Variants in MAGI2 observed in about 807,000 individuals in gnomAD.
MAGI2 encodes the protein membrane-associated guanylate kinase, WW and PDZ domain-containing protein 2.
Under a neutral mutation model 133.3 loss-of-function variants are expected in MAGI2, and 35 were observed. The ratio of observed to expected loss-of-function variants is 0.26; its 90% confidence interval spans 0.20 to 0.35. The LOEUF is 0.35. Ranked by LOEUF, MAGI2 falls within the 10% of genes least tolerant of loss-of-function variation. MAGI2 has a pLI of 1.00. For synonymous variants in MAGI2, 729 were observed against 710.6 expected, an observed-to-expected ratio of 1.03 and a Z score of -0.41; for missense variants, 1,636 against 1,863.4, an observed-to-expected ratio of 0.88 and a Z score of 2.25.
At chr7:79,133,768 A>C (rs1254113673) in intron 1 of MAGI2, among the ~76,000 whole-genome samples, 3 of 152,204 alleles carry the variant, frequency 2.0e-5, no homozygotes, top group African/African-American at 7.2e-5. Context: ...TAAAACCCAA[A>C]ATGGTGCATC....
intron 2 of MAGI2, among the ~76,000 whole-genome samples, chr7:78,672,892 C>G (rs73145155): frequency 0.063 from 9,520 of 152,184 alleles, 422 homozygotes; most frequent in East Asian, 0.11. Context: ...CCTAAGAAAA[C>G]CAGAACCTCT....
intron 14 of MAGI2, among the ~76,000 whole-genome samples, chr7:78,174,143 C>T (rs1214509840): frequency 6.6e-6 from 1 of 152,114 alleles, no homozygotes; most frequent in Non-Finnish European, 1.5e-5. Context: ...ACAGTTTTGA[C>T]TTGGTGGAAA....
chr7:78,457,336 T>TC (rs775102097), intron 6 of MAGI2, among the ~76,000 whole-genome samples: 8 of 152,210 alleles, frequency 5.3e-5, no homozygotes, highest in Non-Finnish European at 8.8e-5. Context: ...CTTTGGGAAT[T>TC]CTTTTGGAGG....
chr7:78,776,700 C>T (rs1826012658), intron 2 of MAGI2, among the ~76,000 whole-genome samples: 1 of 152,072 alleles, frequency 6.6e-6, no homozygotes, highest in Non-Finnish European at 1.5e-5. Context: ...GGGTATTGTG[C>T]TCATGTAAAA....
At chr7:79,385,431 C>T (rs1457701311) in intron 1 of MAGI2, among the ~76,000 whole-genome samples, 1 of 151,764 alleles carries the variant, frequency 6.6e-6, no homozygotes, top group African/African-American at 2.4e-5. Context: ...TATTTTTTCT[C>T]CACACTTTTA....
chr7:78,503,773 G>A (rs1794853704), intron 4 of MAGI2, among the ~76,000 whole-genome samples: 1 of 148,442 alleles, frequency 6.7e-6, no homozygotes, highest in Non-Finnish European at 1.5e-5. Context: ...TGCATCATAT[G>A]AATAAGTGAA....
rs1810551032 is a variant in MAGI2 at position 78,643,809 on chromosome 7, CG to C, written c.419-16571del. On this transcript the variant is annotated intron_variant, in intron 2 of 21. Coordinates refer to ENST00000354212, the MANE Select transcript of MAGI2 (RefSeq NM_012301.4). The stretch of plus-strand genomic sequence containing the variant: ...ATATATGAAGTGATGTATCATTTGA[CG>C]GCTGACTGGGATAAGTTAAAGATGT... Among the ~76,000 whole-genome samples, 4 of 151,864 alleles carry C rather than the reference CG, an allele frequency of 2.6e-5. No individual in the cohort carries two copies. In the South Asian group the frequency reaches 8.3e-4, roughly 32 times the overall value.
chr7:78,566,014 ATAAC>A (rs1800905651), intron 3 of MAGI2, among the ~76,000 whole-genome samples: 1 of 152,196 alleles, frequency 6.6e-6, no homozygotes, highest in African/African-American at 2.4e-5. Flanking sequence ...GTGTGTAAAG[ATAAC>A]TATTCCAGGA....
chr7:78,956,137 G>A lies in MAGI2; in HGVS notation c.418+50953C>T, dbSNP rs181418685. Among the ~76,000 whole-genome samples, 99 of 152,212 alleles carry A rather than the reference G, an allele frequency of 6.5e-4. 1 individual carries two copies. Among genetic ancestry groups the A allele is most frequent in the Non-Finnish European group, 1.2e-3 (85 of 68,002 alleles). On this transcript the variant is annotated intron_variant, in intron 2 of 21. Coordinates refer to ENST00000354212, the MANE Select transcript of MAGI2 (RefSeq NM_012301.4). The stretch of plus-strand genomic sequence containing the variant: ...GCCAGTGCAAGAGGGGCACCAACCT[G>A]CCCTGGAGGTTGAGGAAGAGGTCCT...
At chr7:78,298,370 C>T (rs769533362) in intron 9 of MAGI2, among the ~76,000 whole-genome samples, 18 of 151,958 alleles carry the variant, frequency 1.2e-4, no homozygotes, top group Non-Finnish European at 2.1e-4. Context: ...TATAGACGTT[C>T]GTTAGTTAAT....
In MAGI2 at chr7:78,941,601, G is replaced by T. The variant is rs191020677; in HGVS notation, c.418+65489C>A. 3.5e-3 allele frequency among the ~76,000 whole-genome samples: 533 copies of T among 152,118 alleles called. 6 individuals carry two copies. The highest frequency in any genetic ancestry group is 2.6e-3 in the Non-Finnish European group (177 of 67,994). The stretch of plus-strand genomic sequence containing the variant: ...TCCACCTGCCTTGGCCTCTCAAAGT[G>T]CTGGGATTACAGTCATGAGCCACTC... On this transcript the variant is annotated intron_variant, in intron 2 of 21. Transcript: ENST00000354212.
intron 3 of MAGI2, among the ~76,000 whole-genome samples, chr7:78,529,142 A>G (rs1291219899): frequency 6.6e-6 from 1 of 152,220 alleles, no homozygotes; most frequent in African/African-American, 2.4e-5. Context: ...TGCTCTCCGG[A>G]AAGTCATGCA....
At chr7:78,392,481 G>A (rs551703549) in intron 6 of MAGI2, among the ~76,000 whole-genome samples, 1 of 152,056 alleles carries the variant, frequency 6.6e-6, no homozygotes, top group Non-Finnish European at 1.5e-5. Context: ...AATAATAAGA[G>A]AAAAGACTGT....
At chr7:78,484,998 C>T (rs1792834099) in intron 6 of MAGI2, 2 of 151,918 alleles carry the variant, frequency 1.3e-5, no homozygotes, top group African/African-American at 2.4e-5. Context: ...AACATTTCAA[C>T]GTTAAGAAAA....
Position 78,383,173 on chromosome 7 carries a change from C to A in MAGI2, c.1046-13960G>T, listed in dbSNP as rs567833266. On this transcript the variant is annotated intron_variant, in intron 6 of 21. Coordinates refer to ENST00000354212, the MANE Select transcript of MAGI2 (RefSeq NM_012301.4). The stretch of plus-strand genomic sequence containing the variant: ...AACGGTGATTCTATTTTCAGTTTTT[C>A]TGGGAAATCTCCATACTGTTTTTCA... Among the ~76,000 whole-genome samples, 14 of 152,144 alleles carry A rather than the reference C, an allele frequency of 9.2e-5. No individual in the cohort carries two copies. In the South Asian group the frequency reaches 2.5e-3, roughly 27 times the overall value.
intron 3 of MAGI2, chr7:78,568,072 G>T (rs115392792): frequency 6.6e-6 from 1 of 152,082 alleles, no homozygotes; most frequent in African/African-American, 2.4e-5. Context: ...TTCTACAAAC[G>T]CACACACTCC....
chr7:78,583,366 C>A, intron 3 of MAGI2: 1 of 188,382 alleles, frequency 5.3e-6, no homozygotes, highest in Non-Finnish European at 1.1e-5. Flanking sequence ...GGCGTGGTGG[C>A]GGGCGCCTGT....
intron 2 of MAGI2, among the ~76,000 whole-genome samples, chr7:78,695,874 C>G (rs897009778): frequency 5.3e-5 from 8 of 152,144 alleles, no homozygotes; most frequent in African/African-American, 1.9e-4. Context: ...TTCTGGTATT[C>G]TCTTATCCTA....
intron 20 of MAGI2, among the ~76,000 whole-genome samples, chr7:78,111,012 A>C (rs1819306028): frequency 2.0e-5 from 3 of 152,128 alleles, no homozygotes; most frequent in Admixed American, 2.0e-4. Flanking sequence ...TGGAAAGTAG[A>C]AGGTAACTGG....
Sources: gnomAD v4.1 joint callset for allele counts (sites outside exome capture counted in the v4.1 genomes callset) on GRCh38, gnomAD v4.1.1 for gene constraint, MANE v1.5 for transcripts, NCBI Gene and HGNC (gene_info 2026-07-23, HGNC 2026-07-21) for gene names.